MMP14: variants seen among roughly 807,000 people sequenced by gnomAD.
MMP14 encodes matrix metalloproteinase-14.
In MMP14, 13 loss-of-function variants were observed where a neutral mutation model predicts 64.8. The observed-to-expected ratio is 0.20, with a 90% confidence interval of 0.13 to 0.32. The LOEUF (loss-of-function observed/expected upper bound fraction) is 0.32, where lower values mean the gene tolerates loss of function less well. MMP14 is among the 10% of genes least tolerant of loss of function. The probability of loss-of-function intolerance (pLI) is 1.00; values close to 1 mark genes in which losing one functional copy is unlikely to be tolerated. For missense variants in MMP14, 594 were observed against 783.8 expected (o/e 0.76, Z 2.89); for synonymous variants, 322 against 315.9 (o/e 1.02, Z -0.20).
intron 1 of MMP14, 68 bp downstream of exon 1, chr14:22,836,993 G>T: frequency 8.0e-7 from 1 of 1,242,248 alleles, no homozygotes; most frequent in Non-Finnish European, 1.2e-6. Context: ...GTCTCCTAGG[G>T]GACAGCCTCT....
In MMP14 at chr14:22,846,363, G is replaced by A; in HGVS notation, c.*324G>A. ...TTGGGGGCTCTGCACTTGAAGGCAG[G>A]ACCCTCAGACCTCGCTGGTAAAGGT... On this transcript the variant is annotated 3_prime_UTR_variant, in exon 10 of 10. Transcript: ENST00000311852. 3.1e-6 allele frequency: 1 copy of A among 324,076 alleles called. No homozygotes were observed. The highest frequency in any genetic ancestry group is 5.7e-6 in the Non-Finnish European group (1 of 176,396). The allele number at this position is 324,076 out of a possible 1,614,324, so 20.1% of individuals were successfully genotyped here.
chr14:22,836,972 C>G lies in MMP14; in HGVS notation c.108+47C>G, dbSNP rs774913055. ...TCCCGGAGTCGCGCCCGCCGGGAGG[C>G]GAGCCCGGGGGTCTCCTAGGGGACA... On this transcript the variant is annotated intron_variant, in intron 1 of 9. Transcript: ENST00000311852. The G allele has an allele frequency of 2.0e-6, 3 of 1,485,916 alleles. No homozygotes were observed. The African/African-American group carries it at 4.2e-5, about 21-fold the overall frequency. 92.0% of individuals were successfully genotyped at this position (1,485,916 alleles called of 1,614,324 possible).
At chr14:22,838,730 C>G (rs1186357644) in intron 1 of MMP14, among the ~76,000 whole-genome samples, 1 of 152,140 alleles carries the variant, frequency 6.6e-6, no homozygotes, top group Non-Finnish European at 1.5e-5. Context: ...CCAGGACAGC[C>G]CTCTCCTCCC....
rs1164202946 is a variant in MMP14, at chr14:22,836,749, GGTGCGACCCCA to G, written c.-67_-57del. 3.1e-5 allele frequency: 28 copies of G among 911,572 alleles called. No individual in the cohort carries two copies. The highest frequency in any genetic ancestry group is 2.9e-5 in the Admixed American group (1 of 34,406). 56.5% of individuals were successfully genotyped at this position (911,572 alleles called of 1,614,324 possible). A position where few individuals can be genotyped will look rare whatever the true frequency, so the allele number is the denominator to read the frequency against. ...GACAAAGGCGCCCCGAGGGAGTGGC[GGTGCGACCCCA>G]GGGCGTGGGCCCGGCCGCGGAGCCC... On this transcript the variant is annotated 5_prime_UTR_variant, in exon 1 of 10. Coordinates refer to ENST00000311852, the MANE Select transcript of MMP14 (RefSeq NM_004995.4).
intron 1 of MMP14, among the ~76,000 whole-genome samples, chr14:22,838,587 A>G (rs997254592): frequency 6.6e-6 from 1 of 152,142 alleles, no homozygotes; most frequent in African/African-American, 2.4e-5. Flanking sequence ...GCAAAGACAA[A>G]GCCAGCCGAC....
chr14:22,842,525 T>G lies in MMP14; in HGVS notation c.496T>G (p.Tyr166Asp). The stretch of plus-strand genomic sequence containing the variant: ...GCGCTTCCGCGAGGTGCCCTATGCC[T>G]ACATCCGTGAGGGCCATGAGAAGCA... ...PLRFREVPYAYIREGHEKQAD... is the reference protein window; with the variant it reads ...PLRFREVPYADIREGHEKQAD... The change falls in exon 4 of 10, where the codon TAC (tyrosine) becomes GAC (aspartate). Residue 166 changes from tyrosine (Y) to aspartate (D), a missense_variant. This residue lies in a region of MMP14 where 179 missense variants were observed against 283.4 expected (regional missense o/e 0.63). Coordinates refer to ENST00000311852, the MANE Select transcript of MMP14 (RefSeq NM_004995.4). The surrounding 1 kb of genome is among the most constrained non-coding windows in gnomAD (Gnocchi z 5.3). The G allele has an allele frequency of 6.2e-7, 1 of 1,614,098 alleles. No homozygotes were observed. Among genetic ancestry groups the G allele is most frequent in the Non-Finnish European group, 8.5e-7 (1 of 1,179,984 alleles).
In MMP14 at chr14:22,843,970, T is replaced by C. The variant is rs1043399809; in HGVS notation, c.1011+100T>C. On this transcript the variant is annotated intron_variant, in intron 6 of 9. Transcript: ENST00000311852. This position sits in a 1 kb window ranked among gnomAD's most constrained non-coding sequence, Gnocchi z 4.8. ...TAGCACTTTGAGAGGCCAAGGCAGG[T>C]GGATCACCTGAGGTCTGGAGTTCGA... 6 of 1,455,796 alleles carry C rather than the reference T, an allele frequency of 4.1e-6. No individual in the cohort carries two copies. In the African/African-American group the frequency reaches 8.7e-5, roughly 21 times the overall value. 90.2% of individuals were successfully genotyped at this position (1,455,796 alleles called of 1,614,324 possible). A position where few individuals can be genotyped will look rare whatever the true frequency, so the allele number is the denominator to read the frequency against.
intron 9 of MMP14, 119 bp from the exon 10 acceptor site, chr14:22,845,589 T>G (rs2039806604): frequency 1.0e-5 from 11 of 1,100,810 alleles, no homozygotes; most frequent in Middle Eastern, 2.1e-4. Flanking sequence ...AGGAAGCTGA[T>G]GCTCACGAAG....
intron 8 of MMP14, 47 bp downstream of exon 8, chr14:22,844,827 C>T (rs370349278): frequency 1.2e-6 from 2 of 1,610,436 alleles, no homozygotes; most frequent in South Asian, 1.1e-5. Context: ...GAAACCACCA[C>T]CACCCCAAAT....
intron 9 of MMP14, 37 bp from the exon 10 acceptor site, chr14:22,845,671 T>C: frequency 6.2e-7 from 1 of 1,604,118 alleles, no homozygotes. Flanking sequence ...TCTTTGGGTC[T>C]TCCCTTCCTT....
chr14:22,836,856 C>T lies in MMP14; in HGVS notation c.39C>T (p.Leu13=). ...PAPRPPRCLL[L]PLLTLGTALA... ...CAAGACCCCCCCGTTGTCTCCTGCT[C>T]CCCCTGCTCACGCTCGGCACCGCGC... The change falls in exon 1 of 10, where the codon CTC becomes CTT. Residue 13 remains leucine (L), a synonymous_variant. Transcript: ENST00000311852. The T allele has an allele frequency of 6.2e-7, 1 of 1,613,422 alleles. No homozygotes were observed. Among genetic ancestry groups the T allele is most frequent in the Non-Finnish European group, 8.5e-7 (1 of 1,179,564 alleles).
chr14:22,837,359 C>G, intron 1 of MMP14: 1 of 456,888 alleles, frequency 2.2e-6, no homozygotes, highest in South Asian at 1.5e-5. Context: ...CTCCAGCGCT[C>G]TCCCGCCGGC....
chr14:22,844,580 G>C (rs1309106339), intron 7 of MMP14, 50 bp from the exon 8 acceptor site: 1 of 1,613,424 alleles, frequency 6.2e-7, no homozygotes, highest in East Asian at 2.2e-5. Flanking sequence ...TTCCTCTAAA[G>C]TCCCTAGAGC....
chr14:22,843,501 G>A lies in MMP14; in HGVS notation c.850+83G>A. ...ACGCATTTCCCCTCTTTTATGCCTT[G>A]CAGTCTCCGCACCGCCCCCTGCCAA... On this transcript the variant is annotated intron_variant, in intron 5 of 9. Coordinates refer to ENST00000311852, the MANE Select transcript of MMP14 (RefSeq NM_004995.4). The surrounding 1 kb of genome is among the most constrained non-coding windows in gnomAD (Gnocchi z 4.8). 6.6e-7 allele frequency: 1 copy of A among 1,515,800 alleles called. No homozygotes were observed. The highest frequency in any genetic ancestry group is 9.0e-7 in the Non-Finnish European group (1 of 1,116,596). The allele number at this position is 1,515,800 out of a possible 1,614,324, so 93.9% of individuals were successfully genotyped here.
chr14:22,842,542 T>C lies in MMP14; in HGVS notation c.513T>C (p.His171=). The C allele has an allele frequency of 6.2e-7, 1 of 1,614,168 alleles. No individual in the cohort carries two copies. Among genetic ancestry groups the C allele is most frequent in the Admixed American group, 1.7e-5 (1 of 60,016 alleles). Reference sequence around the variant, plus strand: ...CCTATGCCTACATCCGTGAGGGCCATGAGAAGCAGGCCGACATCATGATCT... The same window carrying C: ...CCTATGCCTACATCCGTGAGGGCCACGAGAAGCAGGCCGACATCATGATCT... The part of the protein sequence containing the change: ...EVPYAYIREG[H]EKQADIMIFF... The change falls in exon 4 of 10, where the codon CAT becomes CAC. Residue 171 remains histidine (H), a synonymous_variant. Transcript: ENST00000311852. The surrounding 1 kb of genome is among the most constrained non-coding windows in gnomAD (Gnocchi z 5.3).
Position 22,842,666 on chromosome 14 carries a change from A to G in MMP14, c.637A>G (p.Thr213Ala). ...CCCAGGCCCCAACATTGGAGGAGACACCCACTTTGACTCTGCCGAGCCTTG... is the reference window on the plus strand; with the variant it reads ...CCCAGGCCCCAACATTGGAGGAGACGCCCACTTTGACTCTGCCGAGCCTTG... Reference protein sequence around the residue: ...YFPGPNIGGDTHFDSAEPWTV... With the variant: ...YFPGPNIGGDAHFDSAEPWTV... The change falls in exon 4 of 10, where the codon ACC (threonine) becomes GCC (alanine). Residue 213 changes from threonine to alanine, a missense_variant. Physicochemically the swap from Thr to Ala is moderately conservative, Grantham distance 58. This residue lies in a region of MMP14 where 179 missense variants were observed against 283.4 expected (regional missense o/e 0.63). Transcript: ENST00000311852. The surrounding 1 kb of genome is among the most constrained non-coding windows in gnomAD (Gnocchi z 5.3). 3.1e-6 allele frequency: 5 copies of G among 1,613,420 alleles called. No homozygotes were observed. Among genetic ancestry groups the G allele is most frequent in the Non-Finnish European group, 4.2e-6 (5 of 1,179,528 alleles).
intron 1 of MMP14, among the ~76,000 whole-genome samples, chr14:22,839,848 G>A (rs2039760519): frequency 6.6e-6 from 1 of 151,792 alleles, no homozygotes; most frequent in Admixed American, 6.6e-5. Context: ...GCCGCTTCCT[G>A]AACTCCCTAA....
intron 1 of MMP14, among the ~76,000 whole-genome samples, chr14:22,838,048 C>G (rs760852752): frequency 6.6e-6 from 1 of 152,230 alleles, no homozygotes; most frequent in Non-Finnish European, 1.5e-5. Context: ...GGAAAGAATA[C>G]TGTCTTCTCT....
chr14:22,844,001 G>T, intron 6 of MMP14, 131 bp downstream of exon 6: 1 of 1,197,280 alleles, frequency 8.4e-7, no homozygotes, highest in Admixed American at 2.6e-5. Context: ...TTCGAGAGCA[G>T]GCTGGCCAAC....
Sources: allele counts gnomAD v4.1 joint callset (sites outside exome capture counted in the v4.1 genomes callset), GRCh38; gene constraint gnomAD v4.1.1; regional missense constraint gnomAD v4.1.1; non-coding constraint Gnocchi (gnomAD v3.1); transcripts MANE v1.5; gene names NCBI Gene and HGNC (gene_info 2026-07-23, HGNC 2026-07-21).